The following AFM variants were observed in gnomAD, a reference collection of about 807,000 sequenced individuals.
AFM encodes the protein afamin.
AFM carries 82 observed loss-of-function variants against 68.7 expected under a neutral mutation model. That is an observed-to-expected ratio of 1.19 (90% CI 1.00 to 1.43). AFM has a LOEUF of 1.43. Ranked by LOEUF, AFM falls within the 40% of genes most tolerant of loss-of-function variation. The pLI, the probability that AFM is intolerant of heterozygous loss-of-function variation, is 0.00. For missense variants in AFM, 772 were observed against 701.8 expected, an observed-to-expected ratio of 1.10 and a Z score of -1.13; for synonymous variants, 250 against 234.2, an observed-to-expected ratio of 1.07 and a Z score of -0.61.
At chr4:73,488,794 T>A in intron 7 of AFM, 35 bp downstream of exon 7, 2 of 1,574,476 alleles carry the variant, frequency 1.3e-6, no homozygotes, top group Non-Finnish European at 1.7e-6. Flanking sequence ...AAAATAGTGA[T>A]TTTTGGCAAT....
chr4:73,502,675 A>G (rs1428586976), intron 13 of AFM, among the ~76,000 whole-genome samples: 8 of 152,186 alleles, frequency 5.3e-5, no homozygotes. Flanking sequence ...AAACTCACAC[A>G]CGTGATTCAT....
intron 3 of AFM, among the ~76,000 whole-genome samples, chr4:73,485,336 G>C (rs1012207470): frequency 6.6e-6 from 1 of 152,120 alleles, no homozygotes; most frequent in Non-Finnish European, 1.5e-5. Context: ...AGTAAGAGGT[G>C]GAAGTGTCTT....
intron 1 of AFM, among the ~76,000 whole-genome samples, chr4:73,482,225 C>G (rs1720734624): frequency 6.6e-6 from 1 of 152,200 alleles, no homozygotes; most frequent in Admixed American, 6.5e-5. Flanking sequence ...TTTTCTGGAA[C>G]CTTTGGTTGT....
At chr4:73,496,687 A>T (rs975170200) in intron 9 of AFM, among the ~76,000 whole-genome samples, 1 of 152,020 alleles carries the variant, frequency 6.6e-6, no homozygotes, top group Non-Finnish European at 1.5e-5. Flanking sequence ...AAATTGTTAA[A>T]TTTTTTCCAT....
Position 73,495,470 on chromosome 4 carries a change from G to T in AFM, c.1191+38G>T, listed in dbSNP as rs749024771. ...GTTGTAGGTTCAGAAAATCAAAAAA[G>T]AACAACTAGAAAACACTTAAAAATT... On this transcript the variant is annotated intron_variant, in intron 9 of 14. Transcript: ENST00000226355. 9.4e-6 allele frequency: 15 copies of T among 1,589,030 alleles called. No homozygotes were observed. The Middle Eastern group carries it at 5.0e-4, about 53-fold the overall frequency.
chr4:73,497,706 T>C lies in AFM; in HGVS notation c.1246T>C (p.Cys416Arg), dbSNP rs767231691. 3 of 1,611,026 alleles carry C rather than the reference T, an allele frequency of 1.9e-6. No individual in the cohort carries two copies. The highest frequency in any genetic ancestry group is 2.5e-6 in the Non-Finnish European group (3 of 1,178,394). The change falls in exon 10 of 15, where the codon TGT (cysteine) becomes CGT (arginine). Residue 416 changes from cysteine to arginine, a missense_variant. Physicochemically the swap from Cys to Arg is radical, Grantham distance 180. Coordinates refer to ENST00000226355, the MANE Select transcript of AFM (RefSeq NM_001133.2). ...AAGCCTCAAGATGGTACAACAAGAA[T>C]GTAAACATTTCCAGAATTTGGGGAA... ...EKSLKMVQQE[C>R]KHFQNLGKDG...
intron 14 of AFM, 45 bp downstream of exon 14, chr4:73,503,155 T>A (rs1577983012): frequency 1.4e-6 from 2 of 1,427,170 alleles, no homozygotes; most frequent in East Asian, 4.6e-5. Flanking sequence ...ATTTGTGGCT[T>A]ATCTGATCTC....
chr4:73,489,051 A>G (rs1431292857), intron 7 of AFM, among the ~76,000 whole-genome samples: 1 of 152,188 alleles, frequency 6.6e-6, no homozygotes, highest in East Asian at 1.9e-4. Context: ...TACAGATTGA[A>G]GTTTTCTCTT....
At chr4:73,484,442 CTTTCTTT>C (rs1560407978) in intron 3 of AFM, 52 bp downstream of exon 3, 7 of 68,192 alleles carry the variant, frequency 1.0e-4, no homozygotes, top group African/African-American at 3.4e-4. Context: ...CTTTCTTTCT[CTTTCTTT>C]CTTTCTTTCT....
At chr4:73,485,785 C>A in intron 3 of AFM, 77 bp from the exon 4 acceptor site, 4 of 1,159,792 alleles carry the variant, frequency 3.4e-6, no homozygotes, top group South Asian at 2.7e-5. Flanking sequence ...GAAAATTAGT[C>A]ATTGTGTTTT....
chr4:73,488,718 G>C lies in AFM; in HGVS notation c.802G>C (p.Gly268Arg). The change falls in exon 7 of 15, where the codon GGA becomes CGA. Residue 268 changes from glycine (G) to arginine (R), a missense_variant. Gly to Arg is a moderately radical substitution (Grantham distance 125). Coordinates refer to ENST00000226355, the MANE Select transcript of AFM (RefSeq NM_001133.2). Reference protein sequence around the residue: ...LVEDVSSNYDGCCEGDVVQCI... With the variant: ...LVEDVSSNYDRCCEGDVVQCI... ...AGAAGATGTTTCTTCCAACTATGATGGATGCTGTGAAGGGGATGTTGTGCA... is the reference window on the plus strand; with the variant it reads ...AGAAGATGTTTCTTCCAACTATGATCGATGCTGTGAAGGGGATGTTGTGCA... 6.2e-7 allele frequency: 1 copy of C among 1,613,282 alleles called. No individual in the cohort carries two copies. Among genetic ancestry groups the C allele is most frequent in the Non-Finnish European group, 8.5e-7 (1 of 1,179,572 alleles).
rs749220922 is a variant in AFM at position 73,487,820 on chromosome 4, A to T, written c.712A>T (p.Ile238Leu). Reference sequence around the variant, plus strand: ...ATTTGGAACCAAAGTTGTACACTTTATGTGAGTTTTATACTATATGTCTTG... The same window carrying T: ...ATTTGGAACCAAAGTTGTACACTTTTTGTGAGTTTTATACTATATGTCTTG... ...LKFGTKVVHF[I>L]YIAILSQKFP... is the part of the protein sequence containing the mutation. The change falls in exon 6 of 15, where the codon ATA becomes TTA. Residue 238 changes from isoleucine to leucine, a missense_variant and splice_region_variant. Transcript: ENST00000226355. The T allele has an allele frequency of 1.4e-5, 22 of 1,585,382 alleles. No homozygotes were observed. The highest frequency in any genetic ancestry group is 3.3e-4 in the Middle Eastern group (2 of 6,054).
At chr4:73,484,745 C>T (rs575693162) in intron 3 of AFM, among the ~76,000 whole-genome samples, 8 of 152,046 alleles carry the variant, frequency 5.3e-5, no homozygotes, top group Non-Finnish European at 1.0e-4. Flanking sequence ...CCATGTTGAC[C>T]AGCCTGGTCT....
At chr4:73,494,266 A>G (rs531708908) in intron 8 of AFM, among the ~76,000 whole-genome samples, 1 of 152,244 alleles carries the variant, frequency 6.6e-6, no homozygotes, top group South Asian at 2.1e-4. Context: ...ATTAATCAAG[A>G]AGGTCAAATC....
chr4:73,492,743 C>G (rs1192432489), intron 8 of AFM, among the ~76,000 whole-genome samples: 4 of 148,358 alleles, frequency 2.7e-5, no homozygotes, highest in African/African-American at 9.9e-5. Flanking sequence ...TTGCCGTGAG[C>G]CGAGATCACG....
intron 11 of AFM, 89 bp downstream of exon 11, chr4:73,499,335 T>C: frequency 4.9e-6 from 6 of 1,229,390 alleles, no homozygotes; most frequent in East Asian, 2.9e-5. Context: ...TGATTATCCA[T>C]ATTCCTTTCT....
At chr4:73,492,793 A>G (rs1183118637) in intron 8 of AFM, among the ~76,000 whole-genome samples, 3 of 105,020 alleles carry the variant, frequency 2.9e-5, no homozygotes, top group Non-Finnish European at 5.3e-5. Flanking sequence ...AGACTGTCTC[A>G]AAAAAAAAAA....
At position 73,501,292 on chromosome 4, in the gene AFM, A is replaced by T. The variant is rs1472698526; in HGVS notation, c.1647-495A>T. Among the ~76,000 whole-genome samples the T allele has an allele frequency of 2.0e-5, 3 of 152,224 alleles. No individual in the cohort carries two copies. In the South Asian group the frequency reaches 6.2e-4, roughly 32 times the overall value. Reference sequence around the variant, plus strand: ...ATAGTTGTACATATTTTGGGGGTACATGTGATATTTTGATAACTGCATAAA... The same window carrying T: ...ATAGTTGTACATATTTTGGGGGTACTTGTGATATTTTGATAACTGCATAAA... On this transcript the variant is annotated intron_variant, in intron 12 of 14. Transcript: ENST00000226355.
chr4:73,495,312 A>C lies in AFM; in HGVS notation c.1071A>C (p.Glu357Asp). ...PDTFFAKFTF[E>D]YSRRHPDLSI... The stretch of plus-strand genomic sequence containing the variant: ...TTACACATTGCAGGTTTACTTTTGA[A>C]TACTCAAGGAGACATCCAGACCTGT... The change falls in exon 9 of 15, where the codon GAA becomes GAC. Residue 357 changes from glutamate to aspartate, a missense_variant. Coordinates refer to ENST00000226355, the MANE Select transcript of AFM (RefSeq NM_001133.2). 6.3e-7 allele frequency: 1 copy of C among 1,579,430 alleles called. No homozygotes were observed. Among genetic ancestry groups the C allele is most frequent in the Non-Finnish European group, 8.5e-7 (1 of 1,170,120 alleles).
Sources: allele counts gnomAD v4.1 joint callset (sites outside exome capture counted in the v4.1 genomes callset), GRCh38; gene constraint gnomAD v4.1.1; transcripts MANE v1.5; gene names NCBI Gene and HGNC (gene_info 2026-07-23, HGNC 2026-07-21).